Variants in MDFIC observed in about 807,000 individuals in gnomAD.
MDFIC encodes MyoD family inhibitor domain containing.
Under a neutral mutation model 23.2 loss-of-function variants are expected in MDFIC, and 17 were observed. That is an observed-to-expected ratio of 0.73 (90% CI 0.50 to 1.10). MDFIC has a LOEUF of 1.10. Among genes scored for constraint, MDFIC ranks in the 50% least tolerant of loss-of-function variants. The probability of loss-of-function intolerance (pLI) is 0.00; values close to 1 mark genes in which losing one functional copy is unlikely to be tolerated. For missense variants in MDFIC, 356 were observed against 316.6 expected (o/e 1.12, Z -0.95); for synonymous variants, 120 against 115.2 (o/e 1.04, Z -0.27).
chr7:114,979,739 G>A lies in MDFIC; in HGVS notation c.451G>A (p.Val151Ile). 1 of 1,614,088 alleles carries A rather than the reference G, an allele frequency of 6.2e-7. No homozygotes were observed. Among genetic ancestry groups the A allele is most frequent in the Non-Finnish European group, 8.5e-7 (1 of 1,179,948 alleles). ...VNSDISKKSKVNAVFSQKTGS... is the reference protein window; with the variant it reads ...VNSDISKKSKINAVFSQKTGS... ...CAGCGATATCAGTAAGAAGAGCAAA[G>A]TAAATGCTGTCTTTTCCCAAAAGAC... The change falls in exon 4 of 5, where the codon GTA becomes ATA. Residue 151 changes from valine to isoleucine, a missense_variant. By Grantham distance (29) the Val-to-Ile change is conservative. Transcript: ENST00000393486.
intron 4 of MDFIC, among the ~76,000 whole-genome samples, chr7:114,987,865 A>G (rs1457049754): frequency 6.6e-6 from 1 of 152,210 alleles, no homozygotes; most frequent in African/African-American, 2.4e-5. Flanking sequence ...CTGTAGGGCC[A>G]AAAGTAAACA....
chr7:114,986,015 C>T (rs1175788928), intron 4 of MDFIC, among the ~76,000 whole-genome samples: 2 of 148,222 alleles, frequency 1.3e-5, no homozygotes, highest in Non-Finnish European at 1.5e-5. Context: ...ACCATCTGCA[C>T]CGTGATTACC....
intron 3 of MDFIC, among the ~76,000 whole-genome samples, chr7:114,963,028 G>C (rs192735898): frequency 6.6e-6 from 1 of 152,210 alleles, no homozygotes; most frequent in Admixed American, 6.5e-5. Flanking sequence ...CCAAATTGTG[G>C]TTGTATTTTA....
intron 4 of MDFIC, among the ~76,000 whole-genome samples, chr7:115,002,435 C>T (rs1331265108): frequency 2.0e-5 from 3 of 152,218 alleles, no homozygotes; most frequent in African/African-American, 7.2e-5. Context: ...GTCCCAAATT[C>T]CTGCAACAAA....
intron 3 of MDFIC, among the ~76,000 whole-genome samples, chr7:114,944,901 G>A (rs1792615402): frequency 6.6e-6 from 1 of 152,142 alleles, no homozygotes; most frequent in Non-Finnish European, 1.5e-5. Flanking sequence ...TGGAAGAAGC[G>A]GACAGCTGGC....
chr7:114,997,779 A>G (rs1473555064), intron 4 of MDFIC, among the ~76,000 whole-genome samples: 2 of 151,404 alleles, frequency 1.3e-5, no homozygotes, highest in Non-Finnish European at 2.9e-5. Flanking sequence ...AAAAGAAAAG[A>G]AAAGAAAGAA....
At chr7:114,927,325 C>CTTTTT (rs10686214) in intron 2 of MDFIC, among the ~76,000 whole-genome samples, 1 of 141,794 alleles carries the variant, frequency 7.1e-6, no homozygotes. Flanking sequence ...AAAAACAGTC[C>CTTTTT]TTTTTTTTTT....
chr7:114,989,827 G>A (rs926470031), intron 4 of MDFIC, among the ~76,000 whole-genome samples: 2 of 152,132 alleles, frequency 1.3e-5, no homozygotes, highest in Non-Finnish European at 2.9e-5. Context: ...CATTCCATGA[G>A]CATTTATTGA....
chr7:114,924,307 A>G (rs368120596), intron 2 of MDFIC, among the ~76,000 whole-genome samples: 1 of 152,256 alleles, frequency 6.6e-6, no homozygotes, highest in East Asian at 1.9e-4. Flanking sequence ...GCATGCCCTT[A>G]GTAGTCATAT....
rs900805542 is a variant in MDFIC at position 114,923,125 on chromosome 7, A to G, written c.92A>G (p.Gln31Arg). Residue 31 changes from glutamine to arginine, a missense_variant and splice_region_variant, in exon 2 of 5, where the codon CAG becomes CGG. Transcript: ENST00000393486. ...GGCGGCCAGCTGGGCTCCACAGCCC[A>G]GGGTGAGTGCGCGCTTGCAAGTGGC... is the stretch of plus-strand genomic sequence containing the variant. Reference protein sequence around the residue: ...AGGGQLGSTAQGKCDKDNTEK... With the variant: ...AGGGQLGSTARGKCDKDNTEK... 3.8e-5 allele frequency: 58 copies of G among 1,518,292 alleles called. No individual in the cohort carries two copies. The highest frequency in any genetic ancestry group is 4.9e-5 in the Non-Finnish European group (56 of 1,136,380). The allele number at this position is 1,518,292 out of a possible 1,614,324, so 94.1% of individuals were successfully genotyped here. A position where few individuals can be genotyped will look rare whatever the true frequency, so the allele number is the denominator to read the frequency against.
intron 3 of MDFIC, among the ~76,000 whole-genome samples, chr7:114,948,608 T>G (rs540440190): frequency 6.6e-6 from 1 of 152,154 alleles, no homozygotes; most frequent in Non-Finnish European, 1.5e-5. Context: ...CCTCCTTTTC[T>G]TCCTCTTTTC....
At chr7:114,940,784 A>G (rs1294383112) in intron 2 of MDFIC, among the ~76,000 whole-genome samples, 3 of 152,180 alleles carry the variant, frequency 2.0e-5, no homozygotes, top group African/African-American at 7.2e-5. Flanking sequence ...AATATATATT[A>G]TTGAAAGAAT....
chr7:114,925,446 G>C lies in MDFIC; in HGVS notation c.94+2319G>C, dbSNP rs541844549. On this transcript the variant is annotated intron_variant, in intron 2 of 4. Coordinates refer to ENST00000393486, the MANE Select transcript of MDFIC (RefSeq NM_001166345.3). ...GAATTAGAAAGGTTGTCCATATTAA[G>C]AGCATACTCTTCCTCCTTAAAGTTT... Among the ~76,000 whole-genome samples, 6 of 152,284 alleles carry C rather than the reference G, an allele frequency of 3.9e-5. No individual in the cohort carries two copies. In the South Asian group the frequency reaches 1.2e-3, roughly 32 times the overall value.
chr7:115,016,095 T>A lies in MDFIC; in HGVS notation c.*160T>A. On this transcript the variant is annotated 3_prime_UTR_variant, in exon 5 of 5. Coordinates refer to ENST00000393486, the MANE Select transcript of MDFIC (RefSeq NM_001166345.3). ...TGAAAGCCTTTTTACTTTAACCAAA[T>A]CTACATGGTTTAATATGTGAAATTT... is the stretch of plus-strand genomic sequence containing the variant. 1 of 684,862 alleles carries A rather than the reference T, an allele frequency of 1.5e-6. No homozygotes were observed. The highest frequency in any genetic ancestry group is 2.4e-6 in the Non-Finnish European group (1 of 419,340). The allele number at this position is 684,862 out of a possible 1,614,324, so 42.4% of individuals were successfully genotyped here.
At chr7:114,988,183 G>T (rs1793545742) in intron 4 of MDFIC, among the ~76,000 whole-genome samples, 1 of 152,098 alleles carries the variant, frequency 6.6e-6, no homozygotes, top group Admixed American at 6.5e-5. Context: ...AATTAAATTA[G>T]CTCAGCATTC....
At chr7:114,975,453 A>G (rs1793292218) in intron 3 of MDFIC, among the ~76,000 whole-genome samples, 1 of 152,126 alleles carries the variant, frequency 6.6e-6, no homozygotes, top group South Asian at 2.1e-4. Flanking sequence ...AAAGATTTGA[A>G]AAAAGAAAGA....
chr7:114,923,313 G>A, intron 2 of MDFIC, 186 bp downstream of exon 2: 2 of 1,140,736 alleles, frequency 1.8e-6, no homozygotes, highest in South Asian at 2.9e-5. Context: ...ATCAACAACC[G>A]GGTAAGAGGG....
At chr7:114,981,140 T>C (rs921093758) in intron 4 of MDFIC, among the ~76,000 whole-genome samples, 1 of 152,212 alleles carries the variant, frequency 6.6e-6, no homozygotes, top group East Asian at 1.9e-4. Flanking sequence ...GGATCTTCGC[T>C]TCTAGGTGAT....
intron 4 of MDFIC, among the ~76,000 whole-genome samples, chr7:114,992,407 A>G (rs1791191405): frequency 6.6e-6 from 1 of 152,054 alleles, no homozygotes; most frequent in Non-Finnish European, 1.5e-5. Context: ...GTGGTGAGAG[A>G]GGGCATCCCT....
Sources: gnomAD v4.1 joint callset for allele counts (sites outside exome capture counted in the v4.1 genomes callset) on GRCh38, gnomAD v4.1.1 for gene constraint, MANE v1.5 for transcripts, NCBI Gene and HGNC (gene_info 2026-07-23, HGNC 2026-07-21) for gene names.